Variants in TNFRSF18 observed in about 807,000 individuals in gnomAD.
TNFRSF18 encodes TNF receptor superfamily member 18, also known as tumor necrosis factor receptor superfamily member 18.
TNFRSF18 carries 36 observed loss-of-function variants against 30.2 expected under a neutral mutation model. The ratio of observed to expected loss-of-function variants is 1.19; its 90% CI spans 0.91 to 1.58. TNFRSF18 has a LOEUF of 1.58. Ranked by LOEUF, TNFRSF18 falls within the 40% of genes most tolerant of loss-of-function variation. TNFRSF18 has a pLI of 0.00. For missense variants in TNFRSF18, 369 were observed against 345.4 expected (o/e 1.07, Z -0.54); for synonymous variants, 173 against 158.3 (o/e 1.09, Z -0.70).
Position 1,203,807 on chromosome 1 carries a change from G to T in TNFRSF18, c.*37C>A. On this transcript the variant is annotated 3_prime_UTR_variant, in exon 5 of 5. Coordinates refer to ENST00000379268, the MANE Select transcript of TNFRSF18 (RefSeq NM_004195.3). ...CGGCCTGGGGAGCTCCTGGGGAGGG[G>T]CTGGCTGCGGTCGGTGGCCCCGGAG... The T allele has an allele frequency of 6.3e-7, 1 of 1,574,932 alleles. No homozygotes were observed.
Position 1,206,209 on chromosome 1 carries a change from C to T in TNFRSF18, c.187+176G>A, listed in dbSNP as rs569675663. Among the ~76,000 whole-genome samples the T allele has an allele frequency of 2.4e-4, 36 of 152,310 alleles. 1 individual carries two copies. In the East Asian group the frequency reaches 4.1e-3, roughly 17 times the overall value. ...CCACTGGCTGGAGCTGGCACACCTC[C>T]GCCTCCCTCTGGGATCCTGCCTCCC... On this transcript the variant is annotated intron_variant, in intron 1 of 4. Transcript: ENST00000379268.
chr1:1,206,444 G>A lies in TNFRSF18; in HGVS notation c.128C>T (p.Thr43Met), dbSNP rs11466676. Reference protein sequence around the residue: ...GCGPGRLLLGTGTDARCCRVH... With the variant: ...GCGPGRLLLGMGTDARCCRVH... ...CCGGCAGCAGCGCGCGTCCGTTCCC[G>A]TCCCAAGCAGGAGGCGCCCAGGGCC... is the stretch of plus-strand genomic sequence containing the variant. The change falls in exon 1 of 5, where the codon ACG (threonine) becomes ATG (methionine). Residue 43 changes from threonine to methionine, a missense_variant. Thr to Met is a moderately conservative substitution (Grantham distance 81). Coordinates refer to ENST00000379268, the MANE Select transcript of TNFRSF18 (RefSeq NM_004195.3). The A allele has an allele frequency of 7.3e-5, 113 of 1,547,262 alleles. No homozygotes were observed. The highest frequency in any genetic ancestry group is 3.7e-4 in the Admixed American group (19 of 50,952).
chr1:1,203,979 G>T lies in TNFRSF18; in HGVS notation c.602-11C>A. On this transcript the variant is annotated splice_polypyrimidine_tract_variant and intron_variant, in intron 4 of 4. Transcript: ENST00000379268. ...GCAGCAGCTGGGTCTCTGCAGGGGG[G>T]CCACGGTCAGCAGGCAGCCATGCTC... 1 of 1,606,220 alleles carries T rather than the reference G, an allele frequency of 6.2e-7. No individual in the cohort carries two copies. The highest frequency in any genetic ancestry group is 8.5e-7 in the Non-Finnish European group (1 of 1,177,602).
Position 1,204,412 on chromosome 1 carries a change from T to G in TNFRSF18, c.385A>C (p.Lys129Gln). 1.9e-6 allele frequency: 3 copies of G among 1,607,202 alleles called. No individual in the cohort carries two copies. The highest frequency in any genetic ancestry group is 2.5e-6 in the Non-Finnish European group (3 of 1,176,804). ...CCCAGGACTCACTCTGTCCAAGGTT[T>G]GCAGTGGCCTTCGTGGCCCCCGGAG... is the stretch of plus-strand genomic sequence containing the variant. Reference protein sequence around the residue: ...TFSGGHEGHCKPWTDCTQFGF... With the variant: ...TFSGGHEGHCQPWTDCTQFGF... The change falls in exon 3 of 5, where the codon AAA becomes CAA. Residue 129 changes from lysine to glutamine, a missense_variant. Lys to Gln is a moderately conservative substitution (Grantham distance 53). Coordinates refer to ENST00000379268, the MANE Select transcript of TNFRSF18 (RefSeq NM_004195.3).
At position 1,204,446 on chromosome 1, in the gene TNFRSF18, C is replaced by G. The variant is rs765264353; in HGVS notation, c.351G>C (p.Ser117=). Residue 117 remains serine, a synonymous_variant, in exon 3 of 5, where the codon TCG becomes TCC. Transcript: ENST00000379268. ...CTTCGTGGCCCCCGGAGAAGGTCCCCGAGGCACAGTCGATACACTGGAAGC... is the reference window on the plus strand; with the variant it reads ...CTTCGTGGCCCCCGGAGAAGGTCCCGGAGGCACAGTCGATACACTGGAAGC... ...SFGFQCIDCA[S]GTFSGGHEGH... is the part of the protein sequence containing the mutation. The G allele has an allele frequency of 6.3e-7, 1 of 1,583,228 alleles. No individual in the cohort carries two copies. The highest frequency in any genetic ancestry group is 2.3e-5 in the East Asian group (1 of 43,036).
chr1:1,204,304 C>G, intron 3 of TNFRSF18, 68 bp from the exon 4 acceptor site: 1 of 1,590,714 alleles, frequency 6.3e-7, no homozygotes, highest in Non-Finnish European at 8.6e-7. Context: ...CCGGCTGCTG[C>G]CCTCCGTGCT....
rs1406650870 is a variant in TNFRSF18, at chr1:1,206,493, G to A, written c.79C>T (p.Arg27Cys). 7.8e-6 allele frequency: 12 copies of A among 1,545,138 alleles called. No homozygotes were observed. The highest frequency in any genetic ancestry group is 2.5e-5 in the East Asian group (1 of 40,648). ...ALLCALSLGQ[R>C]PTGGPGCGPG... ...CCGCACCCGGGACCCCCGGTGGGGC[G>A]CTGACCCAGGCTGAGCGCGCACAGC... The change falls in exon 1 of 5, where the codon CGC becomes TGC. Residue 27 changes from arginine to cysteine, a missense_variant. Coordinates refer to ENST00000379268, the MANE Select transcript of TNFRSF18 (RefSeq NM_004195.3).
rs2298213 is a variant in TNFRSF18 at position 1,203,822 on chromosome 1, T to C, written c.*22A>G. On this transcript the variant is annotated 3_prime_UTR_variant, in exon 5 of 5. Transcript: ENST00000379268. ...CTGGGGAGGGGCTGGCTGCGGTCGG[T>C]GGCCCCGGAGGACGGCCAGGCTCAC... The C allele has an allele frequency of 0.083, 131,660 of 1,582,584 alleles. 11,179 individuals are homozygous for C. The highest frequency in any genetic ancestry group is 0.45 in the African/African-American group (33,173 of 74,542).
At position 1,203,934 on chromosome 1, in the gene TNFRSF18, G is replaced by A. The variant is rs373698519; in HGVS notation, c.636C>T (p.Thr212=). 2.1e-5 allele frequency: 34 copies of A among 1,607,220 alleles called. No individual in the cohort carries two copies. Among genetic ancestry groups the A allele is most frequent in the East Asian group, 4.5e-5 (2 of 44,882 alleles). ...TQLLLEVPPS[T]EDARSCQFPE... ...GGAACTGGCAGCTTCTGGCGTCTTC[G>A]GTCGACGGCGGCACCTCCAGCAGCA... is the stretch of plus-strand genomic sequence containing the variant. The change falls in exon 5 of 5, where the codon ACC becomes ACT. Residue 212 remains threonine, a synonymous_variant. Transcript: ENST00000379268.
intron 3 of TNFRSF18, 33 bp downstream of exon 3, chr1:1,204,365 AC>A (rs1286697154): frequency 1.2e-6 from 2 of 1,607,296 alleles, no homozygotes; most frequent in African/African-American, 2.7e-5. Flanking sequence ...GGCCTGGACC[AC>A]CCGGCCACCG....
chr1:1,203,688 C>A lies in TNFRSF18; in HGVS notation c.*156G>T, dbSNP rs777000086. 1.3e-6 allele frequency: 2 copies of A among 1,557,684 alleles called. No homozygotes were observed. The highest frequency in any genetic ancestry group is 1.8e-5 in the Admixed American group (1 of 54,384). On this transcript the variant is annotated 3_prime_UTR_variant, in exon 5 of 5. Coordinates refer to ENST00000379268, the MANE Select transcript of TNFRSF18 (RefSeq NM_004195.3). ...GGGCCCAGCCGCGGCCGCCGAACTG[C>A]ATGGTCCAGGGCGCTGGTCACTGCC... is the stretch of plus-strand genomic sequence containing the variant.
intron 1 of TNFRSF18, chr1:1,205,797 C>A: frequency 2.7e-6 from 1 of 375,642 alleles, no homozygotes; most frequent in Non-Finnish European, 4.9e-6. Context: ...AGTGCACAGT[C>A]CCCTGGAGGC....
At position 1,204,472 on chromosome 1, in the gene TNFRSF18, C is replaced by G; in HGVS notation, c.325G>C (p.Gly109Arg). 1 of 985,254 alleles carries G rather than the reference C, an allele frequency of 1.0e-6. No individual in the cohort carries two copies. The highest frequency in any genetic ancestry group is 1.5e-6 in the Non-Finnish European group (1 of 689,634). The allele number at this position is 985,254 out of a possible 1,614,324, so 61.0% of individuals were successfully genotyped here. The change falls in exon 3 of 5, where the codon GGC (glycine) becomes CGC (arginine). Residue 109 changes from glycine to arginine, a missense_variant. Transcript: ENST00000379268. ...GAGGCACAGTCGATACACTGGAAGC[C>G]AAAACTGAATTTCCCTGGTGTGGGG... Reference protein sequence around the residue: ...GVQSQGKFSFGFQCIDCASGT... With the variant: ...GVQSQGKFSFRFQCIDCASGT...
Position 1,206,111 on chromosome 1 carries a change from C to T in TNFRSF18, c.187+274G>A, listed in dbSNP as rs530252652. 3.3e-5 allele frequency among the ~76,000 whole-genome samples: 5 copies of T among 152,312 alleles called. No homozygotes were observed. The South Asian group carries it at 1.0e-3, about 32-fold the overall frequency. ...CCCGCCCAGCAGGACCTGGAACAGC[C>T]GTCCTCCACCTCCAGACCCCAGACC... On this transcript the variant is annotated intron_variant, in intron 1 of 4. Coordinates refer to ENST00000379268, the MANE Select transcript of TNFRSF18 (RefSeq NM_004195.3).
rs1648790438 is a variant in TNFRSF18, at chr1:1,205,708, C to T, written c.188-216G>A. 1.0e-5 allele frequency: 6 copies of T among 573,768 alleles called. No homozygotes were observed. In the South Asian group the frequency reaches 1.2e-4, roughly 12 times the overall value. The allele number at this position is 573,768 out of a possible 1,614,324, so 35.5% of individuals were successfully genotyped here. The stretch of plus-strand genomic sequence containing the variant: ...GGCCTGGCTACTCCCCCTTTGCGCC[C>T]CACAGCTGCCCCTGCCCAGGTGCTA... On this transcript the variant is annotated intron_variant, in intron 1 of 4. Transcript: ENST00000379268.
rs1253104018 is a variant in TNFRSF18, at chr1:1,206,510, G to A, written c.62C>T (p.Ala21Val). 1.1e-5 allele frequency: 17 copies of A among 1,541,654 alleles called. No homozygotes were observed. Among genetic ancestry groups the A allele is most frequent in the Admixed American group, 2.0e-5 (1 of 50,096 alleles). The change falls in exon 1 of 5, where the codon GCG (alanine) becomes GTG (valine). Residue 21 changes from alanine to valine, a missense_variant. Transcript: ENST00000379268. ...GGTGGGGCGCTGACCCAGGCTGAGC[G>A]CGCACAGCAGCGCCAGGCCGCACAG... ...RALCGLALLC[A>V]LSLGQRPTGG...
In TNFRSF18 at chr1:1,204,038, G is replaced by T. The variant is rs1358417639; in HGVS notation, c.597C>A (p.Pro199=). Residue 199 remains proline, a synonymous_variant, in exon 4 of 5, where the codon CCC becomes CCA. Transcript: ENST00000379268. ...IWQLRSQCMW[P]RETQLLLEVP... is the part of the protein sequence containing the mutation. ...CCGCACCAGGCTGTGACAGACCTCGGGGCCACATGCACTGACTCCTCAGCT... is the reference window on the plus strand; with the variant it reads ...CCGCACCAGGCTGTGACAGACCTCGTGGCCACATGCACTGACTCCTCAGCT... The T allele has an allele frequency of 6.2e-7, 1 of 1,606,618 alleles. No individual in the cohort carries two copies. The highest frequency in any genetic ancestry group is 8.5e-7 in the Non-Finnish European group (1 of 1,177,660).
Position 1,203,562 on chromosome 1 carries a change from C to A in TNFRSF18, c.*282G>T. 6.7e-7 allele frequency: 1 copy of A among 1,485,910 alleles called. No individual in the cohort carries two copies. Among genetic ancestry groups the A allele is most frequent in the Non-Finnish European group, 8.9e-7 (1 of 1,126,318 alleles). The allele number at this position is 1,485,910 out of a possible 1,614,324, so 92.0% of individuals were successfully genotyped here. On this transcript the variant is annotated 3_prime_UTR_variant, in exon 5 of 5. Coordinates refer to ENST00000379268, the MANE Select transcript of TNFRSF18 (RefSeq NM_004195.3). ...CTGCAGCCGGGTCCCGTGCTGGGCA[C>A]TGCACACCCACGGACACAGCCTCCC... is the stretch of plus-strand genomic sequence containing the variant.
In TNFRSF18 at chr1:1,206,498, C is replaced by T. The variant is rs933675858; in HGVS notation, c.74G>A (p.Gly25Asp). The T allele has an allele frequency of 1.7e-5, 27 of 1,545,488 alleles. No homozygotes were observed. Among genetic ancestry groups the T allele is most frequent in the African/African-American group, 2.8e-5 (2 of 72,462 alleles). ...GLALLCALSL[G>D]QRPTGGPGCG... ...CCCGGGACCCCCGGTGGGGCGCTGA[C>T]CCAGGCTGAGCGCGCACAGCAGCGC... The change falls in exon 1 of 5, where the codon GGT (glycine) becomes GAT (aspartate). Residue 25 changes from glycine (G) to aspartate (D), a missense_variant. Coordinates refer to ENST00000379268, the MANE Select transcript of TNFRSF18 (RefSeq NM_004195.3).
Sources: allele counts gnomAD v4.1 joint callset (sites outside exome capture counted in the v4.1 genomes callset), GRCh38; gene constraint gnomAD v4.1.1; transcripts MANE v1.5; gene names NCBI Gene and HGNC (gene_info 2026-07-23, HGNC 2026-07-21).